Variants in BBS9 observed in about 807,000 individuals in gnomAD.
The protein encoded by BBS9 is protein PTHB1.
In BBS9, 89 loss-of-function variants were observed where a neutral mutation model predicts 117.7. The ratio of observed to expected loss-of-function variants is 0.76; its 90% CI spans 0.64 to 0.90. BBS9 has a LOEUF of 0.90. Ranked by LOEUF, BBS9 falls within the 40% of genes least tolerant of loss-of-function variation. BBS9 has a pLI of 0.00. For missense variants in BBS9, 982 were observed against 1,042.2 expected (o/e 0.94, Z 0.80); for synonymous variants, 379 against 370.9 (o/e 1.02, Z -0.25).
At chr7:33,410,794 A>G (rs1830979631) in intron 19 of BBS9, among the ~76,000 whole-genome samples, 1 of 152,124 alleles carries the variant, frequency 6.6e-6, no homozygotes, top group African/African-American at 2.4e-5. Flanking sequence ...TATAGCCTAA[A>G]AACATGTTGA....
chr7:33,174,264 C>A (rs1243351526), intron 4 of BBS9, among the ~76,000 whole-genome samples: 2 of 152,324 alleles, frequency 1.3e-5, no homozygotes, highest in East Asian at 3.9e-4. Context: ...CACAATAGGC[C>A]TAGTGGGTAC....
At chr7:33,595,550 G>T (rs995261933) in intron 21 of BBS9, among the ~76,000 whole-genome samples, 1 of 152,140 alleles carries the variant, frequency 6.6e-6, no homozygotes, top group Non-Finnish European at 1.5e-5. Context: ...TGCTGGTGAG[G>T]CTGTGGAGAA....
At chr7:33,200,962 C>A (rs926187882) in intron 5 of BBS9, among the ~76,000 whole-genome samples, 1 of 152,184 alleles carries the variant, frequency 6.6e-6, no homozygotes, top group Non-Finnish European at 1.5e-5. Context: ...CTGTATGTCC[C>A]TGGAGACAGG....
At chr7:33,509,695 A>G (rs1846644368) in intron 20 of BBS9, among the ~76,000 whole-genome samples, 1 of 152,146 alleles carries the variant, frequency 6.6e-6, no homozygotes, top group Non-Finnish European at 1.5e-5. Flanking sequence ...AGCACTGTGT[A>G]ATGATTTGTT....
At position 33,414,247 on chromosome 7, in the gene BBS9, A is replaced by G. The variant is rs200638402; in HGVS notation, c.2115+26103A>G. Among the ~76,000 whole-genome samples, 10 of 152,308 alleles carry G rather than the reference A, an allele frequency of 6.6e-5. No homozygotes were observed. In the East Asian group the frequency reaches 1.7e-3, roughly 26 times the overall value. ...AAAGAAAAAAGAGAGAAAAGGGGAA[A>G]TGATCAAAAGGGGGCTAAACAATGA... On this transcript the variant is annotated intron_variant, in intron 19 of 22. Coordinates refer to ENST00000242067, the MANE Select transcript of BBS9 (RefSeq NM_198428.3).
chr7:33,243,748 T>C (rs1270359860), intron 5 of BBS9, among the ~76,000 whole-genome samples: 1 of 152,152 alleles, frequency 6.6e-6, no homozygotes, highest in African/African-American at 2.4e-5. Flanking sequence ...TACTATCCTA[T>C]GTTAAAGTTT....
intron 19 of BBS9, among the ~76,000 whole-genome samples, chr7:33,388,795 A>G (rs1469338141): frequency 6.6e-6 from 1 of 152,202 alleles, no homozygotes; most frequent in African/African-American, 2.4e-5. Flanking sequence ...AAAAATCATG[A>G]GAAGGCTTCT....
At chr7:33,407,658 G>A (rs1405275070) in intron 19 of BBS9, among the ~76,000 whole-genome samples, 1 of 152,202 alleles carries the variant, frequency 6.6e-6, no homozygotes, top group East Asian at 1.9e-4. Flanking sequence ...TAACAGACAG[G>A]ACCCTCAGCT....
At chr7:33,612,361 T>A (rs1264748298) in intron 21 of BBS9, among the ~76,000 whole-genome samples, 1 of 152,058 alleles carries the variant, frequency 6.6e-6, no homozygotes. Flanking sequence ...GAGTTGGGAT[T>A]TATTTTCAAC....
At chr7:33,457,918 C>T (rs1333468962) in intron 19 of BBS9, among the ~76,000 whole-genome samples, 1 of 152,104 alleles carries the variant, frequency 6.6e-6, no homozygotes, top group Non-Finnish European at 1.5e-5. Flanking sequence ...CAATAAAAGT[C>T]CGAAGAGGTT....
intron 5 of BBS9, among the ~76,000 whole-genome samples, chr7:33,238,408 A>G (rs1793898822): frequency 6.6e-6 from 1 of 152,072 alleles, no homozygotes; most frequent in South Asian, 2.1e-4. Flanking sequence ...CTCCTGCCTC[A>G]GCCTCCTGAG....
chr7:33,586,388 A>T lies in BBS9; in HGVS notation c.2522-18477A>T, dbSNP rs547694070. Among the ~76,000 whole-genome samples the T allele has an allele frequency of 8.6e-5, 13 of 151,970 alleles. No homozygotes were observed. The South Asian group carries it at 2.5e-3, about 29-fold the overall frequency. On this transcript the variant is annotated intron_variant, in intron 21 of 22. Transcript: ENST00000242067. Reference sequence around the variant, plus strand: ...GGCTACTGTTAAGAAGTAAAAAAAAATAAATAACAGATCTGGGTGAGGCCA... The same window carrying T: ...GGCTACTGTTAAGAAGTAAAAAAAATTAAATAACAGATCTGGGTGAGGCCA...
intron 19 of BBS9, among the ~76,000 whole-genome samples, chr7:33,494,009 C>G (rs1343591846): frequency 6.6e-6 from 1 of 152,182 alleles, no homozygotes; most frequent in Non-Finnish European, 1.5e-5. Flanking sequence ...TCCAGTGTTG[C>G]TGGAGATACT....
At chr7:33,288,795 G>T (rs563817987) in intron 9 of BBS9, among the ~76,000 whole-genome samples, 1 of 152,100 alleles carries the variant, frequency 6.6e-6, no homozygotes, top group Non-Finnish European at 1.5e-5. Context: ...TATGTGCCAG[G>T]CAATATTCTG....
At chr7:33,166,956 TTC>T (rs1459683023) in intron 4 of BBS9, among the ~76,000 whole-genome samples, 1 of 152,218 alleles carries the variant, frequency 6.6e-6, no homozygotes, top group African/African-American at 2.4e-5. Flanking sequence ...ATCACCCGTC[TTC>T]TGTGTCAGTC....
At chr7:33,388,947 A>T (rs1224043602) in intron 19 of BBS9, among the ~76,000 whole-genome samples, 1 of 152,142 alleles carries the variant, frequency 6.6e-6, no homozygotes, top group Non-Finnish European at 1.5e-5. Context: ...GATTTTTTGA[A>T]TTGAGTTTTT....
intron 19 of BBS9, among the ~76,000 whole-genome samples, chr7:33,443,855 G>A (rs924857359): frequency 6.6e-6 from 1 of 152,174 alleles, no homozygotes; most frequent in East Asian, 1.9e-4. Context: ...GAGAAAAGAA[G>A]TCATCAGTGG....
At chr7:33,534,235 G>A in intron 21 of BBS9, 59 bp downstream of exon 21, 3 of 1,530,406 alleles carry the variant, frequency 2.0e-6, no homozygotes, top group Non-Finnish European at 2.7e-6. Flanking sequence ...TTAGAGGAAT[G>A]TGCCTGTGGT....
chr7:33,146,399 G>C, intron 2 of BBS9, 35 bp downstream of exon 2: 1 of 1,525,392 alleles, frequency 6.6e-7, no homozygotes, highest in South Asian at 1.1e-5. Flanking sequence ...TTGGATGAAA[G>C]TTTTAAAGAG....
Sources: allele counts gnomAD v4.1 joint callset (sites outside exome capture counted in the v4.1 genomes callset), GRCh38; gene constraint gnomAD v4.1.1; transcripts MANE v1.5; gene names NCBI Gene and HGNC (gene_info 2026-07-23, HGNC 2026-07-21).